Variants in PCTP observed in about 807,000 individuals in gnomAD.
The protein encoded by PCTP is START domain-containing protein 2.
In PCTP, 27 loss-of-function variants were observed where a neutral mutation model predicts 31.0. That is an observed-to-expected ratio of 0.87 (90% CI 0.64 to 1.20). The LOEUF is 1.20. Among genes scored for constraint, PCTP ranks in the 50% most tolerant of loss-of-function variants. The pLI, the probability that PCTP is intolerant of heterozygous loss-of-function variation, is 0.00. For missense variants in PCTP, 287 were observed against 268.2 expected (o/e 1.07, Z -0.49); for synonymous variants, 108 against 101.2 (o/e 1.07, Z -0.40).
At chr17:55,841,964 T>C (rs773188609) in intron 5 of PCTP, among the ~76,000 whole-genome samples, 3 of 152,180 alleles carry the variant, frequency 2.0e-5, no homozygotes, top group Non-Finnish European at 4.4e-5. Context: ...TATTGAGATA[T>C]AGATTGAGTA....
chr17:55,839,213 C>A (rs1013758427), intron 5 of PCTP, among the ~76,000 whole-genome samples: 2 of 152,108 alleles, frequency 1.3e-5, no homozygotes, highest in African/African-American at 4.8e-5. Context: ...GCCTCAATTT[C>A]TTTTTGTATA....
intron 2 of PCTP, among the ~76,000 whole-genome samples, chr17:55,786,529 C>T (rs1212544461): frequency 6.6e-6 from 1 of 152,158 alleles, no homozygotes; most frequent in Non-Finnish European, 1.5e-5. Flanking sequence ...TCACTTTATG[C>T]TATGCTGACA....
chr17:55,784,899 T>C (rs1421491718), intron 2 of PCTP, among the ~76,000 whole-genome samples: 4 of 152,236 alleles, frequency 2.6e-5, no homozygotes, highest in Non-Finnish European at 5.9e-5. Flanking sequence ...TTTTATCTGT[T>C]CCTCAAACAT....
the PCTP span, among the ~76,000 whole-genome samples, chr17:55,850,959 T>G: frequency 6.6e-6 from 1 of 152,202 alleles, no homozygotes; most frequent in Non-Finnish European, 1.5e-5. Context: ...TACGAACCAC[T>G]GTCTCTCACT....
intron 5 of PCTP, among the ~76,000 whole-genome samples, chr17:55,834,664 G>A (rs1198845705): frequency 6.6e-6 from 1 of 152,144 alleles, no homozygotes. Context: ...AGAGTTTTCT[G>A]AAAATAGGGG....
downstream of PCTP, among the ~76,000 whole-genome samples, chr17:55,846,439 G>C (rs28522535): frequency 1.8e-4 from 27 of 152,068 alleles, no homozygotes; most frequent in African/African-American, 6.3e-4. Flanking sequence ...GAAATTACAA[G>C]TAGAGGTGAG....
chr17:55,810,316 C>T (rs117371384), intron 3 of PCTP, among the ~76,000 whole-genome samples: 1,536 of 152,270 alleles, frequency 0.01, 14 homozygotes, highest in South Asian at 0.023. Flanking sequence ...GGTGCCTGGC[C>T]GAGCAAAGTC....
intron 3 of PCTP, among the ~76,000 whole-genome samples, chr17:55,791,951 A>G (rs565142724): frequency 3.7e-4 from 57 of 152,100 alleles, no homozygotes; most frequent in African/African-American, 7.7e-4. Flanking sequence ...TGTGGCACAT[A>G]TACACCATGG....
At chr17:55,780,647 C>T (rs1488030819), downstream of PCTP, among the ~76,000 whole-genome samples, 1 of 152,184 alleles carries the variant, frequency 6.6e-6, no homozygotes, top group Admixed American at 6.5e-5. Flanking sequence ...TGGAGTCACT[C>T]ATATAGCATA....
intron 3 of PCTP, among the ~76,000 whole-genome samples, chr17:55,812,264 T>C (rs895318134): frequency 6.6e-6 from 1 of 152,208 alleles, no homozygotes; most frequent in Non-Finnish European, 1.5e-5. Flanking sequence ...ATTTCTTAAG[T>C]CTGCACTGTG....
At chr17:55,822,563 G>C (rs1913149625) in intron 3 of PCTP, among the ~76,000 whole-genome samples, 1 of 152,170 alleles carries the variant, frequency 6.6e-6, no homozygotes, top group East Asian at 1.9e-4. Flanking sequence ...TTTTGAGAAA[G>C]AGGATAAAAA....
chr17:55,799,072 G>T (rs1412854943), intron 3 of PCTP, among the ~76,000 whole-genome samples: 1 of 151,828 alleles, frequency 6.6e-6, no homozygotes, highest in Non-Finnish European at 1.5e-5. Context: ...AAGCTAATGG[G>T]GGGGGAATGC....
chr17:55,850,778 C>A, the PCTP span, among the ~76,000 whole-genome samples: 2 of 152,092 alleles, frequency 1.3e-5, no homozygotes, highest in African/African-American at 4.8e-5. Flanking sequence ...ATAAAAAAAT[C>A]ACTTAATGGT....
intron 3 of PCTP, among the ~76,000 whole-genome samples, chr17:55,811,107 G>A (rs1032059347): frequency 1.3e-5 from 2 of 152,036 alleles, no homozygotes; most frequent in African/African-American, 4.8e-5. Flanking sequence ...ATTTTCTTCT[G>A]CAGAGAATTG....
chr17:55,778,690 G>A (rs922540141), downstream of PCTP, among the ~76,000 whole-genome samples: 1 of 152,142 alleles, frequency 6.6e-6, no homozygotes, highest in Non-Finnish European at 1.5e-5. Flanking sequence ...TCTCTGTTAA[G>A]GGGTGGCTTT....
At chr17:55,846,736 T>A (rs1906159876), downstream of PCTP, among the ~76,000 whole-genome samples, 2 of 152,158 alleles carry the variant, frequency 1.3e-5, no homozygotes, top group Non-Finnish European at 2.9e-5. Context: ...TATAGGTAGT[T>A]ATATTGTCAA....
intron 3 of PCTP, among the ~76,000 whole-genome samples, chr17:55,819,034 A>AAAAAAAAG (rs1913026449): frequency 6.7e-6 from 1 of 148,700 alleles, no homozygotes; most frequent in Non-Finnish European, 1.5e-5. Flanking sequence ...AAAAAAAAAA[A>AAAAAAAAG]AAAGAAAAGG....
intron 1 of PCTP, chr17:55,751,497 G>A (rs1243382022): frequency 6.6e-7 from 1 of 1,507,788 alleles, no homozygotes; most frequent in Non-Finnish European, 8.9e-7. Context: ...GACGGGGCAT[G>A]TAGTTAGAAG....
intron 5 of PCTP, chr17:55,775,290 TTTTTTC>T (rs1911267782): frequency 8.1e-7 from 1 of 1,235,844 alleles, no homozygotes; most frequent in Non-Finnish European, 1.0e-6. Context: ...GCCCTTTTTT[TTTTTTC>T]TTTTTCTCTA....
Sources: gnomAD v4.1 joint callset for allele counts (sites outside exome capture counted in the v4.1 genomes callset) on GRCh38, gnomAD v4.1.1 for gene constraint, MANE v1.5 for transcripts, NCBI Gene and HGNC (gene_info 2026-07-23, HGNC 2026-07-21) for gene names.